The following VWA8 variants were observed in gnomAD, a reference collection of about 807,000 sequenced individuals.
VWA8 encodes von Willebrand factor A domain-containing protein 8.
Under a neutral mutation model 241.5 loss-of-function variants are expected in VWA8, and 221 were observed. The ratio of observed to expected loss-of-function variants is 0.91; its 90% CI spans 0.82 to 1.02. The LOEUF is 1.02. VWA8 is among the 50% of genes least tolerant of loss of function. VWA8 has a pLI of 0.00. For synonymous variants in VWA8, 852 were observed against 827.1 expected, an observed-to-expected ratio of 1.03 and a Z score of -0.52; for missense variants, 2,322 against 2,328.7, an observed-to-expected ratio of 1.00 and a Z score of 0.06.
At chr13:41,664,415 G>GTGTA in intron 37 of VWA8, among the ~76,000 whole-genome samples, 1 of 151,802 alleles carries the variant, frequency 6.6e-6, no homozygotes, top group East Asian at 1.9e-4. Flanking sequence ...GTGTGTGTGT[G>GTGTA]TGTGTGTGTG....
intron 40 of VWA8, among the ~76,000 whole-genome samples, chr13:41,600,497 A>C (rs964601490): frequency 4.6e-5 from 7 of 151,790 alleles, no homozygotes; most frequent in Admixed American, 1.3e-4. Flanking sequence ...TTTGCTCTGC[A>C]CTCTTGCCTT....
intron 12 of VWA8, among the ~76,000 whole-genome samples, chr13:41,856,517 T>C (rs1178524084): frequency 6.6e-6 from 1 of 152,040 alleles, no homozygotes; most frequent in African/African-American, 2.4e-5. Context: ...CCATAGATGG[T>C]TTTTCTTAGA....
chr13:41,611,984 C>T (rs1463017901), intron 38 of VWA8, among the ~76,000 whole-genome samples: 4 of 152,196 alleles, frequency 2.6e-5, no homozygotes, highest in African/African-American at 9.7e-5. Flanking sequence ...AATGCTGCTA[C>T]CTCATAAGGA....
intron 2 of VWA8, among the ~76,000 whole-genome samples, chr13:41,919,836 C>T (rs189305395): frequency 3.3e-5 from 5 of 152,202 alleles, no homozygotes. Flanking sequence ...TCTCAGGGAC[C>T]TAGCACCTCC....
chr13:41,952,039 G>A (rs886986195), intron 1 of VWA8, among the ~76,000 whole-genome samples: 4 of 152,120 alleles, frequency 2.6e-5, no homozygotes, highest in East Asian at 1.9e-4. Context: ...TCCATAACCC[G>A]TGCACCGCTC....
At chr13:41,628,765 G>A (rs9315850) in intron 37 of VWA8, among the ~76,000 whole-genome samples, 10,686 of 152,080 alleles carry the variant, frequency 0.07, 745 homozygotes, top group African/African-American at 0.18. Context: ...ACAACAGGCC[G>A]GGCACAGTGG....
At chr13:41,909,055 T>TA (rs1875868640) in intron 3 of VWA8, among the ~76,000 whole-genome samples, 1 of 72,242 alleles carries the variant, frequency 1.4e-5, no homozygotes, top group African/African-American at 5.4e-5. Context: ...AGGAAAAAAA[T>TA]TTTTTTTTTT....
chr13:41,915,689 A>G (rs975242845), intron 2 of VWA8, among the ~76,000 whole-genome samples: 16 of 152,220 alleles, frequency 1.1e-4, no homozygotes, highest in Non-Finnish European at 2.4e-4. Context: ...TCAGTAGAGA[A>G]TAAGTTCTAC....
chr13:41,940,799 A>T (rs1441405221), intron 2 of VWA8, among the ~76,000 whole-genome samples: 1 of 152,202 alleles, frequency 6.6e-6, no homozygotes, highest in African/African-American at 2.4e-5. Context: ...AAACAATGCA[A>T]CAATTTACTA....
intron 8 of VWA8, among the ~76,000 whole-genome samples, chr13:41,885,483 C>G (rs1353046431): frequency 6.6e-6 from 1 of 152,204 alleles, no homozygotes; most frequent in Non-Finnish European, 1.5e-5. Flanking sequence ...CTTGAAGCCA[C>G]CCTTGCACAC....
Position 41,615,009 on chromosome 13 carries a change from G to C in VWA8, c.4687C>G (p.His1563Asp), listed in dbSNP as rs1156646058. ...HGKEDPDNMP[H>D]VGGNTWAGGT... ...CCAGCCCAAGTGTTGCCGCCCACGT[G>C]AGGCATGTTGTCTGGGTCCTCCTTC... The change falls in exon 38 of 45, where the codon CAC (histidine) becomes GAC (aspartate). Residue 1563 changes from histidine to aspartate, a missense_variant. His to Asp is a moderately conservative substitution (Grantham distance 81). Coordinates refer to ENST00000379310, the MANE Select transcript of VWA8 (RefSeq NM_015058.2). The C allele has an allele frequency of 6.2e-7, 1 of 1,613,666 alleles. No individual in the cohort carries two copies. The highest frequency in any genetic ancestry group is 8.5e-7 in the Non-Finnish European group (1 of 1,179,974).
At chr13:41,750,558 G>A (rs551788474) in intron 21 of VWA8, among the ~76,000 whole-genome samples, 1 of 152,070 alleles carries the variant, frequency 6.6e-6, no homozygotes, top group African/African-American at 2.4e-5. Context: ...TTAACAGACG[G>A]TTAAGAGAAA....
intron 2 of VWA8, among the ~76,000 whole-genome samples, chr13:41,931,280 A>AAAC (rs1491280459): frequency 8.5e-4 from 17 of 20,000 alleles, no homozygotes; most frequent in Non-Finnish European, 1.6e-3. Flanking sequence ...ACCCAGGGTT[A>AAAC]AAAAAAAAAA....
intron 3 of VWA8, among the ~76,000 whole-genome samples, chr13:41,909,396 G>A (rs757535015): frequency 3.3e-5 from 5 of 152,132 alleles, no homozygotes; most frequent in East Asian, 1.9e-4. Context: ...AGAAAACACC[G>A]ACTAGTGGCA....
At chr13:41,884,802 T>C (rs1470502208) in intron 8 of VWA8, among the ~76,000 whole-genome samples, 1 of 152,158 alleles carries the variant, frequency 6.6e-6, no homozygotes, top group Non-Finnish European at 1.5e-5. Flanking sequence ...AGTATAAGAT[T>C]TGATAAACAG....
At chr13:41,838,939 T>C (rs1231837284) in intron 12 of VWA8, among the ~76,000 whole-genome samples, 1 of 152,214 alleles carries the variant, frequency 6.6e-6, no homozygotes, top group African/African-American at 2.4e-5. Flanking sequence ...CTATTGTGAA[T>C]AGTGCTGCAA....
At chr13:41,772,447 C>A (rs2045831340) in intron 20 of VWA8, among the ~76,000 whole-genome samples, 1 of 100,900 alleles carries the variant, frequency 9.9e-6, no homozygotes, top group Admixed American at 1.2e-4. Context: ...GACAAAAAAA[C>A]AAAACAAAAC....
In VWA8 at chr13:41,684,940, C is replaced by G. The variant is rs980360093; in HGVS notation, c.4327+107G>C. ...TTACTTCTAAACTTGTCGGAATGAT[C>G]AATTTTTATAAGTATGAAATGATAA... On this transcript the variant is annotated intron_variant, in intron 35 of 44. Transcript: ENST00000379310. The G allele has an allele frequency of 6.9e-6, 7 of 1,016,182 alleles. No individual in the cohort carries two copies. The East Asian group carries it at 1.3e-4, about 19-fold the overall frequency. 62.9% of individuals were successfully genotyped at this position (1,016,182 alleles called of 1,614,324 possible).
intron 5 of VWA8, among the ~76,000 whole-genome samples, chr13:41,889,472 G>A (rs956332728): frequency 1.3e-5 from 2 of 151,532 alleles, no homozygotes; most frequent in East Asian, 3.9e-4. Context: ...TCAGCCTCCT[G>A]GGTTCAAGCG....
Sources: allele counts gnomAD v4.1 joint callset (sites outside exome capture counted in the v4.1 genomes callset), GRCh38; gene constraint gnomAD v4.1.1; transcripts MANE v1.5; gene names NCBI Gene and HGNC (gene_info 2026-07-23, HGNC 2026-07-21).